The following IGSF11 variants were observed in gnomAD, a reference collection of about 807,000 sequenced individuals.
The protein encoded by IGSF11 is immunoglobulin superfamily member 11, also known as CXADR like 1.
IGSF11 carries 22 observed loss-of-function variants against 41.0 expected under a neutral mutation model. The observed-to-expected ratio is 0.54, with a 90% CI of 0.38 to 0.77. The LOEUF (loss-of-function observed/expected upper bound fraction) is 0.77. Among genes scored for constraint, IGSF11 ranks in the 30% least tolerant of loss-of-function variants. The pLI, the probability that IGSF11 is intolerant of heterozygous loss-of-function variation, is 0.00. For missense variants in IGSF11, 444 were observed against 530.8 expected, an observed-to-expected ratio of 0.84 and a Z score of 1.61; for synonymous variants, 219 against 201.3, an observed-to-expected ratio of 1.09 and a Z score of -0.74.
chr3:119,000,816 A>C (rs906939319), intron 1 of IGSF11, among the ~76,000 whole-genome samples: 1 of 152,148 alleles, frequency 6.6e-6, no homozygotes, highest in Non-Finnish European at 1.5e-5. Context: ...CTTGAAGTTG[A>C]ATCCTAATAT....
intron 1 of IGSF11, among the ~76,000 whole-genome samples, chr3:118,945,202 GA>G (rs1297022594): frequency 2.6e-5 from 4 of 151,452 alleles, no homozygotes; most frequent in African/African-American, 9.7e-5. Context: ...AATAAGCAGG[GA>G]AAAAAAACCA....
intron 4 of IGSF11, among the ~76,000 whole-genome samples, chr3:118,914,449 G>T (rs537557208): frequency 6.6e-6 from 1 of 151,434 alleles, no homozygotes; most frequent in Admixed American, 6.6e-5. Flanking sequence ...CCTGGGAAGC[G>T]CAAGGGGTCA....
chr3:119,063,506 A>G (rs963856165), intron 1 of IGSF11, among the ~76,000 whole-genome samples: 4 of 151,966 alleles, frequency 2.6e-5, no homozygotes, highest in African/African-American at 9.7e-5. Context: ...AGACATGAAC[A>G]GTGCAGGTAC....
intron 2 of IGSF11, 60 bp from the exon 3 acceptor site, chr3:118,928,776 A>G (rs1315172856): frequency 1.0e-5 from 13 of 1,252,116 alleles, no homozygotes; most frequent in Non-Finnish European, 6.8e-6. Flanking sequence ...ACACAAAACA[A>G]TAACTATTTG....
intron 1 of IGSF11, among the ~76,000 whole-genome samples, chr3:119,133,811 G>A (rs4687837): frequency 0.13 from 20,277 of 152,072 alleles, 1,411 homozygotes; most frequent in East Asian, 0.23. Context: ...ACATCGATGC[G>A]AAAATCTTCA....
At chr3:118,993,546 T>C (rs923349197) in intron 1 of IGSF11, among the ~76,000 whole-genome samples, 8 of 152,184 alleles carry the variant, frequency 5.3e-5, no homozygotes, top group African/African-American at 1.9e-4. Flanking sequence ...ATAAAAACTT[T>C]TACCTATATT....
At chr3:118,975,162 T>A (rs1269780814) in intron 1 of IGSF11, among the ~76,000 whole-genome samples, 1 of 152,152 alleles carries the variant, frequency 6.6e-6, no homozygotes, top group Non-Finnish European at 1.5e-5. Context: ...TTCTCCTCTA[T>A]CTCCTCCTAT....
intron 1 of IGSF11, among the ~76,000 whole-genome samples, chr3:119,113,789 C>T (rs987455670): frequency 6.6e-6 from 1 of 152,254 alleles, no homozygotes; most frequent in African/African-American, 2.4e-5. Context: ...CTCTGCACTG[C>T]CCTAGTAGAG....
intron 1 of IGSF11, among the ~76,000 whole-genome samples, chr3:118,941,589 T>C (rs1943705726): frequency 6.6e-6 from 1 of 152,212 alleles, no homozygotes. Context: ...TACACTTAAC[T>C]ATACAATCTA....
At chr3:119,029,346 G>A (rs911400014) in intron 1 of IGSF11, among the ~76,000 whole-genome samples, 26 of 151,872 alleles carry the variant, frequency 1.7e-4, no homozygotes, top group Non-Finnish European at 3.2e-4. Flanking sequence ...TTATTATACA[G>A]TTAACTTCAT....
chr3:119,112,033 G>C (rs1209242551), intron 1 of IGSF11, among the ~76,000 whole-genome samples: 1 of 152,302 alleles, frequency 6.6e-6, no homozygotes, highest in East Asian at 1.9e-4. Context: ...GGCTGCTCGG[G>C]GGTCAGGGGT....
At chr3:118,950,597 G>T (rs1365720889) in intron 1 of IGSF11, among the ~76,000 whole-genome samples, 1 of 151,530 alleles carries the variant, frequency 6.6e-6, no homozygotes, top group Non-Finnish European at 1.5e-5. Context: ...TCCCCATCTT[G>T]CCTGGAAAGC....
intron 1 of IGSF11, among the ~76,000 whole-genome samples, chr3:119,095,996 G>T (rs1559864666): frequency 6.6e-6 from 1 of 152,054 alleles, no homozygotes; most frequent in Admixed American, 6.5e-5. Context: ...CTATCCACTT[G>T]CATGTCCTTC....
intron 1 of IGSF11, among the ~76,000 whole-genome samples, chr3:118,940,858 T>C (rs1188266075): frequency 1.3e-5 from 2 of 150,444 alleles, no homozygotes; most frequent in Non-Finnish European, 1.5e-5. Context: ...GGGGGAAAAG[T>C]TTACTCTTTT....
chr3:119,129,978 C>T (rs1054207349), intron 1 of IGSF11, among the ~76,000 whole-genome samples: 3 of 151,984 alleles, frequency 2.0e-5, no homozygotes, highest in Admixed American at 6.6e-5. Flanking sequence ...GACCAAGACT[C>T]TGTCTTAAAA....
At chr3:119,090,287 A>G (rs2076742902) in intron 1 of IGSF11, among the ~76,000 whole-genome samples, 1 of 152,228 alleles carries the variant, frequency 6.6e-6, no homozygotes, top group Admixed American at 6.5e-5. Flanking sequence ...AAAAATCAAC[A>G]TTGTAAACAT....
chr3:118,927,812 G>T (rs904784656), intron 3 of IGSF11, among the ~76,000 whole-genome samples: 6 of 152,040 alleles, frequency 3.9e-5, no homozygotes, highest in African/African-American at 1.4e-4. Flanking sequence ...AGAGACAGAA[G>T]AATTGAAAAA....
rs894927944 is a variant in IGSF11 at position 118,902,219 on chromosome 3, G to A, written c.*301C>T. On this transcript the variant is annotated 3_prime_UTR_variant, in exon 7 of 7. Transcript: ENST00000393775. Reference sequence around the variant, plus strand: ...TTAGGCATGAAGAACAAGCCCATCTGGGCGGCAGTTTGGATTTTAAGTACT... The same window carrying A: ...TTAGGCATGAAGAACAAGCCCATCTAGGCGGCAGTTTGGATTTTAAGTACT... The A allele has an allele frequency of 2.2e-5, 6 of 273,160 alleles. No homozygotes were observed. The highest frequency in any genetic ancestry group is 1.3e-4 in the African/African-American group (6 of 45,924). 16.9% of individuals were successfully genotyped at this position (273,160 alleles called of 1,614,324 possible).
At chr3:119,050,437 C>T (rs1412366955) in intron 1 of IGSF11, among the ~76,000 whole-genome samples, 1 of 152,088 alleles carries the variant, frequency 6.6e-6, no homozygotes, top group Non-Finnish European at 1.5e-5. Context: ...AAATCAAAAC[C>T]ACAATGAGAT....
Sources: allele counts gnomAD v4.1 joint callset (sites outside exome capture counted in the v4.1 genomes callset), GRCh38; gene constraint gnomAD v4.1.1; transcripts MANE v1.5; gene names NCBI Gene and HGNC (gene_info 2026-07-23, HGNC 2026-07-21).